The following DGKG variants were observed in gnomAD, a reference collection of about 807,000 sequenced individuals.
DGKG encodes the protein DAG kinase gamma.
In DGKG, 78 loss-of-function variants were observed where a neutral mutation model predicts 105.3. That is an observed-to-expected ratio of 0.74 (90% CI 0.62 to 0.89). The LOEUF is 0.89. DGKG is among the 40% of genes least tolerant of loss of function. The pLI is 0.00. For synonymous variants in DGKG, 346 were observed against 367.1 expected (o/e 0.94, Z 0.66); for missense variants, 958 against 1,020.1 (o/e 0.94, Z 0.83).
At chr3:186,200,248 G>T (rs1718384514) in intron 21 of DGKG, among the ~76,000 whole-genome samples, 1 of 152,168 alleles carries the variant, frequency 6.6e-6, no homozygotes, top group African/African-American at 2.4e-5. Context: ...TGTGGAGGAT[G>T]CTCTGTGTGC....
chr3:186,241,562 T>TAAAC (rs928732897), intron 20 of DGKG, among the ~76,000 whole-genome samples: 2 of 151,358 alleles, frequency 1.3e-5, no homozygotes, highest in African/African-American at 4.9e-5. Flanking sequence ...CAAAAATAAA[T>TAAAC]AAATAAATAA....
At chr3:186,332,795 G>C (rs1383651865) in intron 1 of DGKG, among the ~76,000 whole-genome samples, 1 of 152,148 alleles carries the variant, frequency 6.6e-6, no homozygotes, top group Non-Finnish European at 1.5e-5. Flanking sequence ...ATTGAGAGGT[G>C]AGGCCTTTAA....
At chr3:186,353,697 T>TATCTATATCTATATCTA (rs1726764610) in intron 1 of DGKG, among the ~76,000 whole-genome samples, 1 of 116,580 alleles carries the variant, frequency 8.6e-6, no homozygotes, top group Non-Finnish European at 1.9e-5. Context: ...TCTATATCTA[T>TATCTATATCTATATCTA]ATCTATATAA....
At chr3:186,320,779 A>ACGGCGACCACCG in intron 1 of DGKG, 72 bp from the exon 2 acceptor site, 1 of 269,064 alleles carries the variant, frequency 3.7e-6, no homozygotes, top group Non-Finnish European at 7.0e-6. Context: ...TCTTTGCTGA[A>ACGGCGACCACCG]AGATCTACAG....
At chr3:186,331,087 T>C (rs933530951) in intron 1 of DGKG, among the ~76,000 whole-genome samples, 1 of 152,256 alleles carries the variant, frequency 6.6e-6, no homozygotes, top group Non-Finnish European at 1.5e-5. Flanking sequence ...TGCAAATATG[T>C]ATCACTGCCT....
intron 2 of DGKG, among the ~76,000 whole-genome samples, chr3:186,317,987 G>C (rs1724897430): frequency 3.3e-5 from 5 of 152,068 alleles, no homozygotes; most frequent in Admixed American, 6.5e-5. Context: ...ATCTTTGATG[G>C]CTTCCTTTTG....
At chr3:186,163,810 T>C (rs1400393519) in intron 23 of DGKG, among the ~76,000 whole-genome samples, 4 of 152,212 alleles carry the variant, frequency 2.6e-5, no homozygotes, top group African/African-American at 9.6e-5. Context: ...ATGGCTTAGA[T>C]GTGTTAACAG....
chr3:186,208,273 C>A (rs1429628176), intron 21 of DGKG, among the ~76,000 whole-genome samples: 1 of 152,084 alleles, frequency 6.6e-6, no homozygotes, highest in African/African-American at 2.4e-5. Flanking sequence ...AACTCCTGAC[C>A]TCAGGTGATC....
At chr3:186,216,454 C>T (rs1250099790) in intron 20 of DGKG, among the ~76,000 whole-genome samples, 2 of 152,148 alleles carry the variant, frequency 1.3e-5, no homozygotes, top group Admixed American at 1.3e-4. Flanking sequence ...ATTCCCATGG[C>T]CCTTTGGTTT....
At chr3:186,196,636 A>G (rs1348616553) in intron 21 of DGKG, among the ~76,000 whole-genome samples, 2 of 152,248 alleles carry the variant, frequency 1.3e-5, no homozygotes, top group African/African-American at 2.4e-5. Flanking sequence ...GACAACCAAG[A>G]AGCCATGAGT....
intron 13 of DGKG, 97 bp from the exon 14 acceptor site, chr3:186,265,403 A>G: frequency 8.9e-7 from 1 of 1,123,672 alleles, no homozygotes; most frequent in Non-Finnish European, 1.3e-6. Context: ...ATAAAGAAAG[A>G]GATCAGAAAG....
At chr3:186,293,393 A>G (rs975421105) in intron 5 of DGKG, among the ~76,000 whole-genome samples, 1 of 152,220 alleles carries the variant, frequency 6.6e-6, no homozygotes. Flanking sequence ...AAAAACTAAC[A>G]CAAAATACTG....
intron 1 of DGKG, among the ~76,000 whole-genome samples, chr3:186,336,159 T>C (rs1018356961): frequency 3.2e-4 from 48 of 152,184 alleles, no homozygotes; most frequent in Admixed American, 6.5e-5. Context: ...TCACCCCAAC[T>C]GGGAGCAACT....
chr3:186,354,879 T>C (rs915806168), intron 1 of DGKG, among the ~76,000 whole-genome samples: 5 of 152,114 alleles, frequency 3.3e-5, no homozygotes, highest in Admixed American at 6.5e-5. Flanking sequence ...AGGGCACTTA[T>C]TATGTTGGGG....
At chr3:186,264,875 A>G (rs1290393187) in intron 14 of DGKG, among the ~76,000 whole-genome samples, 2 of 152,210 alleles carry the variant, frequency 1.3e-5, no homozygotes, top group African/African-American at 4.8e-5. Flanking sequence ...GGTTAGCTTC[A>G]TTTTGGCAGA....
intron 24 of DGKG, chr3:186,160,912 T>C (rs1471977372): frequency 1.0e-6 from 1 of 985,462 alleles, no homozygotes; most frequent in Non-Finnish European, 1.2e-6. Context: ...ATGGAGATAG[T>C]CTATTTTTGT....
At chr3:186,273,383 T>C (rs1674493760) in intron 10 of DGKG, among the ~76,000 whole-genome samples, 1 of 143,176 alleles carries the variant, frequency 7.0e-6, no homozygotes, top group Admixed American at 7.0e-5. Flanking sequence ...TTTTTTTTTT[T>C]TTTTTTTTTT....
chr3:186,254,462 G>C (rs966003271), intron 17 of DGKG, among the ~76,000 whole-genome samples: 1 of 152,106 alleles, frequency 6.6e-6, no homozygotes, highest in Admixed American at 6.5e-5. Context: ...TGCACAGCCT[G>C]CTCCCTTTGC....
intron 1 of DGKG, among the ~76,000 whole-genome samples, chr3:186,322,147 T>C (rs1725110871): frequency 6.6e-6 from 1 of 152,192 alleles, no homozygotes; most frequent in African/African-American, 2.4e-5. Flanking sequence ...TATTGAAATG[T>C]TTCCACAGCA....
Sources: allele counts gnomAD v4.1 joint callset (sites outside exome capture counted in the v4.1 genomes callset), GRCh38; gene constraint gnomAD v4.1.1; transcripts MANE v1.5; gene names NCBI Gene and HGNC (gene_info 2026-07-23, HGNC 2026-07-21).